Variants in CYTH3 observed in about 807,000 individuals in gnomAD.
CYTH3 encodes cytohesin 3.
A neutral mutation model predicts 55.1 loss-of-function variants in CYTH3; 23 were observed. The observed-to-expected ratio is 0.42, with a 90% CI of 0.30 to 0.59. The LOEUF is 0.59. CYTH3 is among the 20% of genes least tolerant of loss of function. The pLI, the probability that CYTH3 is intolerant of heterozygous loss-of-function variation, is 0.20. For missense variants in CYTH3, 413 were observed against 524.8 expected (o/e 0.79, Z 2.08); for synonymous variants, 249 against 194.9 (o/e 1.28, Z -2.31).
chr7:6,230,098 G>A (rs978762451), intron 1 of CYTH3, among the ~76,000 whole-genome samples: 1 of 152,108 alleles, frequency 6.6e-6, no homozygotes, highest in Non-Finnish European at 1.5e-5. Context: ...TTATGCCACT[G>A]CACTCCAGCC....
chr7:6,165,218 C>T (rs1782955307), intron 12 of CYTH3, 55 bp downstream of exon 12: 3 of 1,578,768 alleles, frequency 1.9e-6, no homozygotes, highest in Non-Finnish European at 2.6e-6. Flanking sequence ...CCATCCCCCG[C>T]CCTCCAACCG....
At position 6,170,858 on chromosome 7, in the gene CYTH3, C is replaced by T; in HGVS notation, c.683G>A (p.Gly228Asp). 6.2e-7 allele frequency: 1 copy of T among 1,613,004 alleles called. No individual in the cohort carries two copies. The highest frequency in any genetic ancestry group is 8.5e-7 in the Non-Finnish European group (1 of 1,179,566). The change falls in exon 8 of 13, where the codon GGC becomes GAC. Residue 228 changes from glycine (G) to aspartate (D), a missense_variant. Gly to Asp is a moderately conservative substitution (Grantham distance 94). Coordinates refer to ENST00000350796, the MANE Select transcript of CYTH3 (RefSeq NM_004227.4). The surrounding 1 kb of genome is among the most constrained non-coding windows in gnomAD (Gnocchi z 7.8). ...FIAMNRGINE[G>D]GDLPEELLRN... is the part of the protein sequence containing the mutation. ...CAGCAGCTCCTCAGGGAGGTCCCCG[C>T]CCTCGTTGATGCCGCGGTTCATGGC...
chr7:6,187,222 G>A (rs574949182), intron 3 of CYTH3, 106 bp from the exon 4 acceptor site: 69 of 1,240,300 alleles, frequency 5.6e-5, no homozygotes, highest in Middle Eastern at 1.9e-4. Context: ...TCAAGGAAGC[G>A]AAGCACAGGC....
intron 1 of CYTH3, among the ~76,000 whole-genome samples, chr7:6,239,561 A>C (rs977854296): frequency 6.6e-6 from 1 of 152,242 alleles, no homozygotes; most frequent in Non-Finnish European, 1.5e-5. Context: ...GAAAAATTAG[A>C]AAAGAGGAGA....
chr7:6,264,966 G>A (rs570559448), intron 1 of CYTH3, among the ~76,000 whole-genome samples: 422 of 152,308 alleles, frequency 2.8e-3, no homozygotes, highest in African/African-American at 9.7e-3. Flanking sequence ...GTTGGTCAAG[G>A]AAGACTTCTG....
chr7:6,173,526 G>C (rs1031799077), intron 6 of CYTH3, 127 bp downstream of exon 6: 2 of 706,028 alleles, frequency 2.8e-6, no homozygotes, highest in Non-Finnish European at 5.2e-6. Flanking sequence ...ATCCGGAAAA[G>C]GAGCCAGCAT....
At position 6,259,811 on chromosome 7, in the gene CYTH3, ATAATATATATATATATATATATTTTT is replaced by A. The variant is rs1562418069; in HGVS notation, c.34+12637_34+12662del. Among the ~76,000 whole-genome samples, 3 of 26,392 alleles carry A rather than the reference ATAATATATATATATATATATATTTTT, an allele frequency of 1.1e-4. 1 individual carries two copies. Among genetic ancestry groups the A allele is most frequent in the African/African-American group, 1.1e-3 (3 of 2,768 alleles). 17.3% of individuals were successfully genotyped at this position (26,392 alleles called of 152,430 possible). On this transcript the variant is annotated intron_variant, in intron 1 of 12. Coordinates refer to ENST00000350796, the MANE Select transcript of CYTH3 (RefSeq NM_004227.4). ...TATATATATATATATATATATATAT[ATAATATATATATATATATATATTTTT>A]TTTTTTTTTTAAGACGGATTTTCGC...
At chr7:6,250,485 C>T (rs1185040315) in intron 1 of CYTH3, among the ~76,000 whole-genome samples, 1 of 152,152 alleles carries the variant, frequency 6.6e-6, no homozygotes, top group Admixed American at 6.5e-5. Flanking sequence ...TCAGTTCCAC[C>T]CACAGGAGAA....
chr7:6,178,173 A>C (rs543377919), intron 4 of CYTH3, among the ~76,000 whole-genome samples: 2 of 152,386 alleles, frequency 1.3e-5, no homozygotes, highest in African/African-American at 2.4e-5. Flanking sequence ...AAAGACAGAC[A>C]AATGGGTTAT....
At chr7:6,218,095 C>G (rs974206713) in intron 1 of CYTH3, among the ~76,000 whole-genome samples, 14 of 151,924 alleles carry the variant, frequency 9.2e-5, no homozygotes, top group Non-Finnish European at 1.8e-4. Flanking sequence ...AGGTGGGAGA[C>G]TTGAGCCGGG....
Position 6,186,604 on chromosome 7 carries a change from G to A in CYTH3, c.249+446C>T, listed in dbSNP as rs769158163. Among the ~76,000 whole-genome samples the A allele has an allele frequency of 3.3e-4, 50 of 152,320 alleles. 1 individual carries two copies. The highest frequency in any genetic ancestry group is 6.6e-4 in the Non-Finnish European group (45 of 68,034). On this transcript the variant is annotated intron_variant, in intron 4 of 12. Coordinates refer to ENST00000350796, the MANE Select transcript of CYTH3 (RefSeq NM_004227.4). ...GAATGGAGGAATAAAGTCCTCTTAT[G>A]TGAACCACTTAACCCACCCAGATTA... is the stretch of plus-strand genomic sequence containing the variant.
intron 1 of CYTH3, among the ~76,000 whole-genome samples, chr7:6,219,565 G>C (rs193192848): frequency 5.3e-5 from 8 of 152,176 alleles, no homozygotes; most frequent in African/African-American, 1.7e-4. Context: ...GCTCTTTGAA[G>C]AGATTTAAGC....
chr7:6,231,592 T>C (rs1779392498), intron 1 of CYTH3, among the ~76,000 whole-genome samples: 1 of 152,218 alleles, frequency 6.6e-6, no homozygotes, highest in Non-Finnish European at 1.5e-5. Context: ...ATCAAACCAG[T>C]GTGCCCATGT....
At chr7:6,205,682 G>C (rs1012855115) in intron 1 of CYTH3, among the ~76,000 whole-genome samples, 3 of 151,890 alleles carry the variant, frequency 2.0e-5, no homozygotes, top group African/African-American at 7.3e-5. Context: ...TGCTACCACA[G>C]CGTGGGCAAT....
At chr7:6,223,641 C>A (rs1250513760) in intron 1 of CYTH3, among the ~76,000 whole-genome samples, 1 of 151,890 alleles carries the variant, frequency 6.6e-6, no homozygotes. Context: ...GCAGCATGCT[C>A]GTTAAGAGTC....
At chr7:6,191,368 C>G (rs971546686) in intron 1 of CYTH3, among the ~76,000 whole-genome samples, 2 of 152,090 alleles carry the variant, frequency 1.3e-5, no homozygotes, top group Non-Finnish European at 2.9e-5. Flanking sequence ...TGATTCACAG[C>G]AGAGCTGACA....
At chr7:6,182,373 G>A (rs1184358225) in intron 4 of CYTH3, among the ~76,000 whole-genome samples, 1 of 151,946 alleles carries the variant, frequency 6.6e-6, no homozygotes, top group Non-Finnish European at 1.5e-5. Context: ...TTAAGAGACA[G>A]GGTCTCATTC....
chr7:6,221,826 T>A (rs914794849), intron 1 of CYTH3, among the ~76,000 whole-genome samples: 3 of 152,040 alleles, frequency 2.0e-5, no homozygotes. Context: ...GTGAGGCGTG[T>A]CTGTGGTCCC....
intron 1 of CYTH3, among the ~76,000 whole-genome samples, chr7:6,264,780 G>A (rs1780445280): frequency 6.6e-6 from 1 of 152,232 alleles, no homozygotes; most frequent in South Asian, 2.1e-4. Context: ...AGGCTACTAT[G>A]TACCAAGCAC....
Sources: gnomAD v4.1 joint callset for allele counts (sites outside exome capture counted in the v4.1 genomes callset) on GRCh38, gnomAD v4.1.1 for gene constraint, Gnocchi (gnomAD v3.1) non-coding constraint, MANE v1.5 for transcripts, NCBI Gene and HGNC (gene_info 2026-07-23, HGNC 2026-07-21) for gene names.